The following SH3GL2 variants were observed in gnomAD, a reference collection of about 807,000 sequenced individuals.
The protein encoded by SH3GL2 is SH3 domain containing GRB2 like 2, endophilin A1.
SH3GL2 carries 24 observed loss-of-function variants against 46.0 expected under a neutral mutation model. The observed-to-expected ratio is 0.52, with a 90% CI of 0.38 to 0.73. The LOEUF (loss-of-function observed/expected upper bound fraction) is 0.73. Ranked by LOEUF, SH3GL2 falls within the 30% of genes least tolerant of loss-of-function variation. The pLI is 0.00. For synonymous variants in SH3GL2, 196 were observed against 147.1 expected, an observed-to-expected ratio of 1.33 and a Z score of -2.40; for missense variants, 413 against 424.2, an observed-to-expected ratio of 0.97 and a Z score of 0.23.
At chr9:17,767,648 G>A (rs954306971) in intron 3 of SH3GL2, among the ~76,000 whole-genome samples, 5 of 152,192 alleles carry the variant, frequency 3.3e-5, no homozygotes, top group Admixed American at 2.6e-4. Context: ...TGGTGAATAG[G>A]TGTATGAATG....
At chr9:17,671,188 A>G (rs534741202) in intron 1 of SH3GL2, among the ~76,000 whole-genome samples, 4 of 152,302 alleles carry the variant, frequency 2.6e-5, no homozygotes, top group Non-Finnish European at 2.9e-5. Context: ...GGAGATAGAA[A>G]AGTTCAGCTT....
chr9:17,709,982 G>C (rs1821575920), intron 1 of SH3GL2, among the ~76,000 whole-genome samples: 1 of 151,876 alleles, frequency 6.6e-6, no homozygotes, highest in South Asian at 2.1e-4. Context: ...TAAGTACAAA[G>C]TGCTTTGAAT....
At chr9:17,674,019 C>G (rs895293978) in intron 1 of SH3GL2, among the ~76,000 whole-genome samples, 1 of 152,200 alleles carries the variant, frequency 6.6e-6, no homozygotes, top group Non-Finnish European at 1.5e-5. Flanking sequence ...TTGTTTCCCT[C>G]TTTCCTTGTG....
At chr9:17,586,768 A>G (rs543680818) in intron 1 of SH3GL2, among the ~76,000 whole-genome samples, 100 of 152,290 alleles carry the variant, frequency 6.6e-4, no homozygotes, top group Admixed American at 1.0e-3. Context: ...CTATGATTCA[A>G]TTACCTCCCA....
chr9:17,665,541 C>T (rs997094531), intron 1 of SH3GL2, among the ~76,000 whole-genome samples: 1 of 152,060 alleles, frequency 6.6e-6, no homozygotes, highest in African/African-American at 2.4e-5. Flanking sequence ...ATTATGTCCT[C>T]TTGGATTCTC....
rs947370021 is a variant in SH3GL2, at chr9:17,644,856, G to A, written c.45+65569G>A. ...TATTAGGTCTGCTTGGTCCAGAGCT[G>A]AGTTCAAGTCGTGAATATCCTTGTT... On this transcript the variant is annotated intron_variant, in intron 1 of 8. Coordinates refer to ENST00000380607, the MANE Select transcript of SH3GL2 (RefSeq NM_003026.5). 2.6e-5 allele frequency among the ~76,000 whole-genome samples: 4 copies of A among 152,212 alleles called. No homozygotes were observed. In the East Asian group the frequency reaches 5.8e-4, roughly 22 times the overall value.
intron 1 of SH3GL2, among the ~76,000 whole-genome samples, chr9:17,712,719 CT>C (rs1014281691): frequency 2.0e-5 from 3 of 151,740 alleles, no homozygotes; most frequent in African/African-American, 7.2e-5. Context: ...TATGATAAGT[CT>C]TGAAATCACA....
intron 1 of SH3GL2, among the ~76,000 whole-genome samples, chr9:17,583,634 A>G (rs893196693): frequency 1.3e-5 from 2 of 152,338 alleles, no homozygotes; most frequent in Middle Eastern, 3.4e-3. Context: ...TATACCTATT[A>G]TAAATTGTGT....
intron 1 of SH3GL2, among the ~76,000 whole-genome samples, chr9:17,675,960 T>A (rs1458497088): frequency 1.3e-5 from 2 of 151,856 alleles, no homozygotes; most frequent in Non-Finnish European, 2.9e-5. Context: ...AATAAAAAAA[T>A]AAAAAAAATG....
chr9:17,765,704 T>A (rs980514476), intron 3 of SH3GL2, among the ~76,000 whole-genome samples: 1 of 152,148 alleles, frequency 6.6e-6, no homozygotes, highest in Non-Finnish European at 1.5e-5. Flanking sequence ...CTTCCTTGGC[T>A]CCAACCACAT....
chr9:17,785,219 G>A (rs547306517), intron 3 of SH3GL2, among the ~76,000 whole-genome samples: 5 of 152,208 alleles, frequency 3.3e-5, no homozygotes, highest in East Asian at 1.9e-4. Flanking sequence ...GGACAGTGCC[G>A]CATATCTGGG....
chr9:17,642,794 G>T (rs947788355), intron 1 of SH3GL2, among the ~76,000 whole-genome samples: 1 of 152,088 alleles, frequency 6.6e-6, no homozygotes, highest in African/African-American at 2.4e-5. Context: ...GATACCTCCA[G>T]CTTTGTTGTT....
chr9:17,712,373 A>G (rs1166195786), intron 1 of SH3GL2, among the ~76,000 whole-genome samples: 2 of 151,854 alleles, frequency 1.3e-5, no homozygotes, highest in Non-Finnish European at 2.9e-5. Flanking sequence ...CATCTCTAAA[A>G]AAAACTTTGC....
intron 1 of SH3GL2, among the ~76,000 whole-genome samples, chr9:17,696,544 G>A (rs1240385368): frequency 6.6e-6 from 1 of 152,148 alleles, no homozygotes; most frequent in African/African-American, 2.4e-5. Context: ...GGCAAAAGGT[G>A]AAGGGGAAGA....
chr9:17,663,029 T>C (rs963771830), intron 1 of SH3GL2, among the ~76,000 whole-genome samples: 1 of 152,122 alleles, frequency 6.6e-6, no homozygotes, highest in African/African-American at 2.4e-5. Flanking sequence ...AATAAACCTC[T>C]TGGGGAAGAT....
intron 1 of SH3GL2, among the ~76,000 whole-genome samples, chr9:17,727,324 T>G (rs1419064957): frequency 6.6e-6 from 1 of 152,196 alleles, no homozygotes; most frequent in Non-Finnish European, 1.5e-5. Context: ...GTAGGCTGTT[T>G]TTGAACAGCT....
chr9:17,629,469 A>G (rs1819370128), intron 1 of SH3GL2, among the ~76,000 whole-genome samples: 1 of 152,194 alleles, frequency 6.6e-6, no homozygotes, highest in Non-Finnish European at 1.5e-5. Flanking sequence ...ACAAATTGCT[A>G]ACATACTGCC....
At chr9:17,587,301 A>G (rs749684835) in intron 1 of SH3GL2, among the ~76,000 whole-genome samples, 2 of 152,228 alleles carry the variant, frequency 1.3e-5, no homozygotes, top group African/African-American at 2.4e-5. Flanking sequence ...GTTATTGTCC[A>G]TAACAGTGAT....
Position 17,704,724 on chromosome 9 carries a change from T to C in SH3GL2, c.46-42342T>C, listed in dbSNP as rs142491493. The stretch of plus-strand genomic sequence containing the variant: ...AGTAAATGTTGCTGGGATAACTGGC[T>C]AGCCAATATGCAGAAGATTGAAACT... On this transcript the variant is annotated intron_variant, in intron 1 of 8. Coordinates refer to ENST00000380607, the MANE Select transcript of SH3GL2 (RefSeq NM_003026.5). Among the ~76,000 whole-genome samples the C allele has an allele frequency of 3.3e-5, 5 of 152,246 alleles. No homozygotes were observed. In the East Asian group the frequency reaches 9.7e-4, roughly 29 times the overall value.
Sources: allele counts gnomAD v4.1 joint callset (sites outside exome capture counted in the v4.1 genomes callset), GRCh38; gene constraint gnomAD v4.1.1; transcripts MANE v1.5; gene names NCBI Gene and HGNC (gene_info 2026-07-23, HGNC 2026-07-21).